TASP1: variants seen among roughly 807,000 people sequenced by gnomAD.
TASP1 encodes the protein taspase 1.
A neutral mutation model predicts 56.6 loss-of-function variants in TASP1; 16 were observed. The ratio of observed to expected loss-of-function variants is 0.28; its 90% CI spans 0.19 to 0.43. The LOEUF (loss-of-function observed/expected upper bound fraction) is 0.43, where lower values mean the gene tolerates loss of function less well. Among genes scored for constraint, TASP1 ranks in the 20% least tolerant of loss-of-function variants. The probability of loss-of-function intolerance (pLI) is 1.00; values close to 1 mark genes in which losing one functional copy is unlikely to be tolerated. For synonymous variants in TASP1, 179 were observed against 184.2 expected, an observed-to-expected ratio of 0.97 and a Z score of 0.23; for missense variants, 393 against 511.6, an observed-to-expected ratio of 0.77 and a Z score of 2.24.
the TASP1 span, among the ~76,000 whole-genome samples, chr20:13,158,372 G>C: frequency 6.6e-6 from 1 of 152,122 alleles, no homozygotes; most frequent in Non-Finnish European, 1.5e-5. Flanking sequence ...GGAGACGCCA[G>C]GTTAGACTAA....
chr20:13,378,435 G>T, the TASP1 span, among the ~76,000 whole-genome samples: 1 of 152,042 alleles, frequency 6.6e-6, no homozygotes, highest in East Asian at 1.9e-4. Context: ...TGTGGTCTGA[G>T]AGACTGTTTG....
At chr20:13,269,967 A>G in the TASP1 span, among the ~76,000 whole-genome samples, 7 of 37,360 alleles carry the variant, frequency 1.9e-4, no homozygotes, top group East Asian at 1.8e-3. Context: ...ATGGATGGAT[A>G]GATGGATATG....
At chr20:13,414,642 T>C (rs920465652) in intron 13 of TASP1, among the ~76,000 whole-genome samples, 4 of 152,192 alleles carry the variant, frequency 2.6e-5, no homozygotes, top group Admixed American at 1.3e-4. Context: ...ACACTGGGTG[T>C]TTATTAAAAA....
chr20:13,393,663 T>C, intron 13 of TASP1: 1 of 1,304,470 alleles, frequency 7.7e-7, no homozygotes, highest in Non-Finnish European at 1.1e-6. Context: ...CCACATGGCC[T>C]CCAAGGAATA....
the TASP1 span, among the ~76,000 whole-genome samples, chr20:13,131,042 T>C: frequency 1.4e-4 from 22 of 152,042 alleles, no homozygotes; most frequent in Non-Finnish European, 1.0e-4. Context: ...TTTGGAAAGG[T>C]CTAGAAAGAT....
intron 11 of TASP1, among the ~76,000 whole-genome samples, chr20:13,458,348 C>T (rs1253631935): frequency 1.3e-5 from 2 of 151,884 alleles, no homozygotes; most frequent in African/African-American, 2.4e-5. Flanking sequence ...TTGTTGTTTT[C>T]GTTTGTTTGT....
intron 10 of TASP1, among the ~76,000 whole-genome samples, chr20:13,494,465 T>G (rs748110019): frequency 5.3e-5 from 8 of 152,190 alleles, no homozygotes; most frequent in Non-Finnish European, 8.8e-5. Flanking sequence ...AATTCAATTA[T>G]AGAAAACTTA....
At chr20:13,383,516 T>C in the TASP1 span, among the ~76,000 whole-genome samples, 2 of 152,274 alleles carry the variant, frequency 1.3e-5, no homozygotes, top group African/African-American at 4.8e-5. Context: ...CCAGGTGATT[T>C]AATATAAGCA....
At chr20:13,452,319 G>T (rs578225513) in intron 11 of TASP1, among the ~76,000 whole-genome samples, 4 of 151,204 alleles carry the variant, frequency 2.6e-5, no homozygotes, top group Non-Finnish European at 5.9e-5. Context: ...ATAAAATGAG[G>T]TATGCCTCTA....
chr20:13,258,478 C>G, the TASP1 span, among the ~76,000 whole-genome samples: 1 of 152,096 alleles, frequency 6.6e-6, no homozygotes, highest in African/African-American at 2.4e-5. Flanking sequence ...CCTTAGTTAC[C>G]CACTTGGAGG....
At chr20:13,377,462 G>A in the TASP1 span, among the ~76,000 whole-genome samples, 4 of 152,158 alleles carry the variant, frequency 2.6e-5, no homozygotes, top group African/African-American at 9.7e-5. Flanking sequence ...ATATGCTGCT[G>A]GATTCGGTTT....
chr20:13,443,998 G>C (rs1288162188), intron 11 of TASP1, among the ~76,000 whole-genome samples: 2 of 152,206 alleles, frequency 1.3e-5, no homozygotes, highest in Non-Finnish European at 2.9e-5. Flanking sequence ...GGAAATCAGA[G>C]TTCCAGATTT....
chr20:13,606,048 T>C (rs1278301825), intron 4 of TASP1, among the ~76,000 whole-genome samples: 18 of 152,230 alleles, frequency 1.2e-4, no homozygotes, highest in East Asian at 9.6e-4. Context: ...CATCTATTAT[T>C]CATTCATTCC....
the TASP1 span, among the ~76,000 whole-genome samples, chr20:13,276,139 G>T: frequency 0.35 from 53,676 of 152,120 alleles, 9,531 homozygotes; most frequent in Admixed American, 0.39. Flanking sequence ...GTTGGAGACA[G>T]GTCCTTCAAT....
At chr20:13,254,816 C>G in the TASP1 span, among the ~76,000 whole-genome samples, 2 of 152,226 alleles carry the variant, frequency 1.3e-5, no homozygotes, top group African/African-American at 4.8e-5. Flanking sequence ...AGAATCCACA[C>G]ATGGTTCGAG....
chr20:13,184,808 A>G, the TASP1 span, among the ~76,000 whole-genome samples: 36 of 152,268 alleles, frequency 2.4e-4, no homozygotes, highest in Non-Finnish European at 4.7e-4. Flanking sequence ...GGGGTAAACA[A>G]TCCACAGCTG....
Position 13,587,251 on chromosome 20 carries a change from A to C in TASP1, c.402T>G (p.Ser134Arg). The C allele has an allele frequency of 6.2e-7, 1 of 1,609,900 alleles. No individual in the cohort carries two copies. The highest frequency in any genetic ancestry group is 8.5e-7 in the Non-Finnish European group (1 of 1,178,622). Residue 134 changes from serine (S) to arginine (R), a missense_variant and splice_region_variant, in exon 5 of 14, where the codon AGT (serine) becomes AGG (arginine). Physicochemically the swap from Ser to Arg is moderately radical, Grantham distance 110 (BLOSUM62 -1). Around this residue, in one of 3 missense-constraint regions of TASP1, gnomAD observed 293 missense variants for 354.2 expected, o/e 0.83. Coordinates refer to ENST00000337743, the MANE Select transcript of TASP1 (RefSeq NM_017714.3). ...SLNFGAVGAL[S>R]GIKNPVSVAN... ...TAGTAGGTCATAATGCCCACATACC[A>C]CTCAGTGCTCCAACTGCTCCAAAAT...
chr20:13,361,804 T>C, the TASP1 span, among the ~76,000 whole-genome samples: 1 of 152,082 alleles, frequency 6.6e-6, no homozygotes, highest in Non-Finnish European at 1.5e-5. Flanking sequence ...CCTGGTGCTA[T>C]CCCCAAACTG....
chr20:13,309,977 G>T, the TASP1 span, among the ~76,000 whole-genome samples: 1 of 152,070 alleles, frequency 6.6e-6, no homozygotes, highest in Middle Eastern at 3.2e-3. Flanking sequence ...TGTGTTTACG[G>T]ATTGGAAGAA....
Sources: gnomAD v4.1 joint callset for allele counts (sites outside exome capture counted in the v4.1 genomes callset) on GRCh38, gnomAD v4.1.1 for gene constraint, gnomAD v4.1.1 regional missense constraint, MANE v1.5 for transcripts, NCBI Gene and HGNC (gene_info 2026-07-23, HGNC 2026-07-21) for gene names.